UBA3: variants seen among roughly 807,000 people sequenced by gnomAD.
The protein encoded by UBA3 is NEDD8-activating enzyme E1 catalytic subunit.
A neutral mutation model predicts 73.5 loss-of-function variants in UBA3; 26 were observed. That is an observed-to-expected ratio of 0.35 (90% CI 0.26 to 0.49). The LOEUF (loss-of-function observed/expected upper bound fraction) is 0.49, where lower values mean the gene tolerates loss of function less well. Among genes scored for constraint, UBA3 ranks in the 20% least tolerant of loss-of-function variants. The pLI, the probability that UBA3 is intolerant of heterozygous loss-of-function variation, is 0.98. For missense variants in UBA3, 495 were observed against 555.6 expected, an observed-to-expected ratio of 0.89 and a Z score of 1.10; for synonymous variants, 217 against 191.2, an observed-to-expected ratio of 1.13 and a Z score of -1.11.
At chr3:69,078,317 T>C (rs2092185930) in intron 2 of UBA3, among the ~76,000 whole-genome samples, 1 of 152,196 alleles carries the variant, frequency 6.6e-6, no homozygotes, top group South Asian at 2.1e-4. Flanking sequence ...AAATATGAGA[T>C]ACAACAGAGA....
At chr3:69,080,219 GCGA>G in intron 1 of UBA3, 66 bp from the exon 2 acceptor site, 8 of 1,490,012 alleles carry the variant, frequency 5.4e-6, no homozygotes, top group Admixed American at 1.9e-5. Context: ...GGGGAGGGGG[GCGA>G]GGGGACGGGG....
Position 69,055,543 on chromosome 3 carries a change from T to C in UBA3, c.1304-18A>G, listed in dbSNP as rs774664492. On this transcript the variant is annotated intron_variant, in intron 17 of 17. Transcript: ENST00000361055. ...CCCCAATTCTAAAACAGAAAAAATA[T>C]TATTAATACAAGCAAAAAAAACTCA... is the stretch of plus-strand genomic sequence containing the variant. 3.8e-6 allele frequency: 6 copies of C among 1,567,996 alleles called. No homozygotes were observed. The African/African-American group carries it at 5.6e-5, about 15-fold the overall frequency.
intron 5 of UBA3, among the ~76,000 whole-genome samples, chr3:69,069,888 G>A (rs1168082782): frequency 6.6e-6 from 1 of 152,140 alleles, no homozygotes; most frequent in Non-Finnish European, 1.5e-5. Flanking sequence ...ACTCCTAGAT[G>A]GTTTCTGGGA....
chr3:69,065,151 A>G (rs1216980306), intron 6 of UBA3, among the ~76,000 whole-genome samples: 1 of 152,138 alleles, frequency 6.6e-6, no homozygotes, highest in African/African-American at 2.4e-5. Context: ...AGACTAAGAA[A>G]TCTAATCTGG....
In UBA3 at chr3:69,056,018, A is replaced by G. The variant is rs2091969791; in HGVS notation, c.1230T>C (p.Asn410=). 1.2e-6 allele frequency: 2 copies of G among 1,606,298 alleles called. No homozygotes were observed. The highest frequency in any genetic ancestry group is 1.7e-6 in the Non-Finnish European group (2 of 1,177,870). ...TGATAACCTGTAAGTAAAGTGTTCTATTTTTTCCCTCTAGGGTGGCTGTGA... is the reference window on the plus strand; with the variant it reads ...TGATAACCTGTAAGTAAAGTGTTCTGTTTTTTCCCTCTAGGGTGGCTGTGA... ...PAITATLEGK[N]RTLYLQSVTS... is the part of the protein sequence containing the mutation. Residue 410 remains asparagine (N), a synonymous_variant, in exon 16 of 18, where the codon AAT becomes AAC. Transcript: ENST00000361055.
intron 12 of UBA3, 51 bp from the exon 13 acceptor site, chr3:69,056,866 G>C (rs762081452): frequency 1.9e-6 from 3 of 1,568,776 alleles, no homozygotes; most frequent in African/African-American, 1.4e-5. Flanking sequence ...AATTAGGCAT[G>C]TTAAAAGTCA....
chr3:69,073,776 C>T (rs1329565161), intron 4 of UBA3, among the ~76,000 whole-genome samples: 2 of 151,998 alleles, frequency 1.3e-5, no homozygotes, highest in Non-Finnish European at 2.9e-5. Context: ...GCTGGGACTA[C>T]AGGCACCTGC....
In UBA3 at chr3:69,071,588, A is replaced by T; in HGVS notation, c.294T>A (p.Val98=). ...AAACATCTATAGTGTCCATATCTAT[A>T]ACATGAATCTGTCTAAAACCAGACA... The part of the protein sequence containing the change: ...LALSGFRQIH[V]IDMDTIDVSN... The change falls in exon 5 of 18, where the codon GTT becomes GTA. Residue 98 remains valine, a synonymous_variant. Transcript: ENST00000361055. The T allele has an allele frequency of 3.8e-6, 6 of 1,563,730 alleles. No homozygotes were observed. The highest frequency in any genetic ancestry group is 5.2e-6 in the Non-Finnish European group (6 of 1,164,688).
At chr3:69,056,501 T>C (rs2091975093) in intron 14 of UBA3, 111 bp downstream of exon 14, 1 of 965,688 alleles carries the variant, frequency 1.0e-6, no homozygotes, top group South Asian at 1.7e-5. Context: ...ATATAATAAG[T>C]AGAGTTCTGG....
At chr3:69,080,233 C>CGGGGGGG in intron 1 of UBA3, 80 bp from the exon 2 acceptor site, 50 of 556,326 alleles carry the variant, frequency 9.0e-5, no homozygotes, top group Middle Eastern at 5.8e-4. Context: ...GGGGACGGGG[C>CGGGGGGG]GGGGGGTGTG....
At chr3:69,080,019 G>T in intron 2 of UBA3, 93 bp downstream of exon 2, 1 of 1,240,584 alleles carries the variant, frequency 8.1e-7, no homozygotes, top group Non-Finnish European at 1.1e-6. Context: ...CCCCCTCCCA[G>T]CCCCCCGGGC....
Position 69,077,891 on chromosome 3 carries a change from G to A in UBA3, c.90C>T (p.Asp30=), listed in dbSNP as rs1182737397. The A allele has an allele frequency of 4.3e-6, 7 of 1,613,892 alleles. No homozygotes were observed. Among genetic ancestry groups the A allele is most frequent in the Non-Finnish European group, 5.9e-6 (7 of 1,180,000 alleles). ...TCCAGCGACCTTCCCAGTCTCCAGT[G>A]TCCCCACACCCACCATCAACAGCCA... ...EKMAVDGGCG[D]TGDWEGRWNH... Residue 30 remains aspartate, a synonymous_variant, in exon 3 of 18, where the codon GAC becomes GAT. Transcript: ENST00000361055.
Position 69,064,127 on chromosome 3 carries a change from G to A in UBA3, c.429-16C>T. 2 of 1,593,682 alleles carry A rather than the reference G, an allele frequency of 1.3e-6. No individual in the cohort carries two copies. Among genetic ancestry groups the A allele is most frequent in the Non-Finnish European group, 8.5e-7 (1 of 1,171,498 alleles). ...GTTGAAATGTCTGAATACAAGTAAA[G>A]GAACTTAAGCAGCTAAGTTTTAATT... On this transcript the variant is annotated splice_polypyrimidine_tract_variant and intron_variant, in intron 6 of 17. Coordinates refer to ENST00000361055, the MANE Select transcript of UBA3 (RefSeq NM_003968.4).
Position 69,056,268 on chromosome 3 carries a change from AAG to A in UBA3, c.1097_1098del (p.Ala366ValfsTer2). ...TGAATATTTTGAGGAAGCTGGCTAC[AAG>A]CTGGGCAGTTTTCCTACACACATAA... The part of the protein sequence containing the change: ...FEAERKENCP[A>X]CSQLPQNIQF... On this transcript the variant is annotated frameshift_variant, in exon 15 of 18. Transcript: ENST00000361055. LOFTEE classifies it high-confidence loss of function. The A allele has an allele frequency of 6.2e-7, 1 of 1,600,094 alleles. No individual in the cohort carries two copies. The highest frequency in any genetic ancestry group is 8.5e-7 in the Non-Finnish European group (1 of 1,176,172).
Position 69,055,898 on chromosome 3 carries a change from G to T in UBA3, c.1256C>A (p.Thr419Asn). Residue 419 changes from threonine (T) to asparagine (N), a missense_variant, in exon 17 of 18, where the codon ACC (threonine) becomes AAC (asparagine). Coordinates refer to ENST00000361055, the MANE Select transcript of UBA3 (RefSeq NM_003968.4). ...KNRTLYLQSV[T>N]SIEERTRPNL... The stretch of plus-strand genomic sequence containing the variant: ...TGGCCTTGTTCGTTCTTCAATAGAG[G>T]TTACCGACTAGAAAACAAAATTACT... 1 of 1,612,200 alleles carries T rather than the reference G, an allele frequency of 6.2e-7. No individual in the cohort carries two copies. The highest frequency in any genetic ancestry group is 8.5e-7 in the Non-Finnish European group (1 of 1,179,252).
intron 9 of UBA3, among the ~76,000 whole-genome samples, chr3:69,062,432 A>G (rs1355382207): frequency 6.6e-6 from 1 of 152,240 alleles, no homozygotes; most frequent in East Asian, 1.9e-4. Context: ...CTATGAGAAG[A>G]AAAATACTGA....
intron 12 of UBA3, 58 bp downstream of exon 12, chr3:69,057,198 G>A: frequency 6.5e-7 from 1 of 1,541,770 alleles, no homozygotes; most frequent in Non-Finnish European, 8.9e-7. Flanking sequence ...AAAAGCTGCA[G>A]CAACGTCAAA....
At chr3:69,077,517 G>A (rs2092178266) in intron 3 of UBA3, 1 of 276,382 alleles carries the variant, frequency 3.6e-6, no homozygotes, top group East Asian at 9.2e-5. Context: ...ACTACAAAAG[G>A]GGAGTATGTT....
rs754545715 is a variant in UBA3 at position 69,061,868 on chromosome 3, G to C, written c.856C>G (p.Leu286Val). 1.9e-6 allele frequency: 3 copies of C among 1,610,978 alleles called. No homozygotes were observed. Among genetic ancestry groups the C allele is most frequent in the South Asian group, 2.2e-5 (2 of 90,596 alleles). The change falls in exon 11 of 18, where the codon CTA becomes GTA. Residue 286 changes from leucine to valine, a missense_variant. Leu to Val is a conservative substitution (Grantham distance 32, BLOSUM62 1). Transcript: ENST00000361055. ...ATATTATATTGTGATGCTCTCTCTA[G>C]GGATTTTTGGAAAATCCATTGTATA... Reference protein sequence around the residue: ...EHIQWIFQKSLERASQYNIRG... With the variant: ...EHIQWIFQKSVERASQYNIRG...
Sources: allele counts gnomAD v4.1 joint callset (sites outside exome capture counted in the v4.1 genomes callset), GRCh38; gene constraint gnomAD v4.1.1; transcripts MANE v1.5; gene names NCBI Gene and HGNC (gene_info 2026-07-23, HGNC 2026-07-21).